The following MLIP variants were observed in gnomAD, a reference collection of about 807,000 sequenced individuals.
MLIP encodes muscular LMNA-interacting protein.
A neutral mutation model predicts 84.8 loss-of-function variants in MLIP; 79 were observed. That is an observed-to-expected ratio of 0.93 (90% CI 0.78 to 1.12). The LOEUF is 1.12. Among genes scored for constraint, MLIP ranks in the 50% most tolerant of loss-of-function variants. The pLI is 0.00. For missense variants in MLIP, 1,257 were observed against 1,160.6 expected (o/e 1.08, Z -1.21); for synonymous variants, 504 against 463.0 (o/e 1.09, Z -1.14).
intron 1 of MLIP, chr6:54,083,326 T>C: frequency 1.5e-6 from 1 of 665,416 alleles, no homozygotes; most frequent in Non-Finnish European, 2.3e-6. Flanking sequence ...AGAACACTGC[T>C]AAGGTCAAGA....
chr6:54,114,217 A>G (rs573684720), intron 1 of MLIP, among the ~76,000 whole-genome samples: 1 of 152,192 alleles, frequency 6.6e-6, no homozygotes, highest in Non-Finnish European at 1.5e-5. Flanking sequence ...TTGTGTTTAC[A>G]TCTTTATTGA....
intron 1 of MLIP, among the ~76,000 whole-genome samples, chr6:54,088,188 G>T (rs1767626021): frequency 6.6e-6 from 1 of 152,180 alleles, no homozygotes; most frequent in Admixed American, 6.6e-5. Flanking sequence ...GGAAAAGAGA[G>T]AAACTTATGC....
intron 1 of MLIP, among the ~76,000 whole-genome samples, chr6:54,102,955 CT>C (rs981163884): frequency 6.6e-6 from 1 of 152,088 alleles, no homozygotes; most frequent in Non-Finnish European, 1.5e-5. Context: ...GGGAAGCCCT[CT>C]TTAGGTAATG....
chr6:54,234,215 C>G (rs1190738244), intron 12 of MLIP, among the ~76,000 whole-genome samples: 1 of 152,060 alleles, frequency 6.6e-6, no homozygotes, highest in Non-Finnish European at 1.5e-5. Flanking sequence ...TTGACCCAAC[C>G]CTTTTTAGAT....
rs148592350 is a variant in MLIP at position 54,022,122 on chromosome 6, T to A, written c.63+3031T>A. On this transcript the variant is annotated intron_variant, in intron 1 of 12. Coordinates refer to the MLIP transcript ENST00000274897. ...TCATGTATTTTCTAAACTCTGTTCCTGGGAATTCTGATTTTCCAAAATGCT... is the reference window on the plus strand; with the variant it reads ...TCATGTATTTTCTAAACTCTGTTCCAGGGAATTCTGATTTTCCAAAATGCT... Among the ~76,000 whole-genome samples the A allele has an allele frequency of 7.8e-3, 1,187 of 152,346 alleles. 5 individuals are homozygous for A. Among genetic ancestry groups the A allele is most frequent in the Non-Finnish European group, 0.014 (961 of 68,030 alleles).
intron 13 of MLIP, among the ~76,000 whole-genome samples, chr6:54,258,077 G>C (rs988336134): frequency 6.6e-6 from 1 of 151,862 alleles, no homozygotes; most frequent in Non-Finnish European, 1.5e-5. Flanking sequence ...CATCCCCTCA[G>C]ATAAAGTGGA....
In MLIP at chr6:54,065,689, CTT is replaced by C. The variant is rs150803488; in HGVS notation, c.63+46599_63+46600del. Among the ~76,000 whole-genome samples, 481 of 99,754 alleles carry C rather than the reference CTT, an allele frequency of 4.8e-3. 54 individuals are homozygous for C. The highest frequency in any genetic ancestry group is 0.012 in the African/African-American group (452 of 39,148). The allele number at this position is 99,754 out of a possible 152,430, so 65.4% of individuals were successfully genotyped here. A position where few individuals can be genotyped will look rare whatever the true frequency, so the allele number is the denominator to read the frequency against. ...GGTGGATTTTGGTTCCCTCCACTCTCTTGTGTTTCCAGCTATTTTTCCCATGG... is the reference window on the plus strand; with the variant it reads ...GGTGGATTTTGGTTCCCTCCACTCTCGTGTTTCCAGCTATTTTTCCCATGG... On this transcript the variant is annotated intron_variant, in intron 1 of 12. Transcript: ENST00000274897.
chr6:54,169,288 G>A (rs764056660), intron 8 of MLIP, among the ~76,000 whole-genome samples: 8 of 151,630 alleles, frequency 5.3e-5, no homozygotes, highest in Non-Finnish European at 7.4e-5. Flanking sequence ...GAACTATTAT[G>A]ATCCATGAGT....
intron 1 of MLIP, among the ~76,000 whole-genome samples, chr6:54,100,579 GATTAT>G (rs1366430201): frequency 1.3e-5 from 2 of 152,008 alleles, no homozygotes; most frequent in African/African-American, 4.8e-5. Context: ...CTACTGAGGG[GATTAT>G]ATTATATTTG....
At chr6:54,070,887 A>G (rs1452194325) in intron 1 of MLIP, among the ~76,000 whole-genome samples, 1 of 152,204 alleles carries the variant, frequency 6.6e-6, no homozygotes, top group African/African-American at 2.4e-5. Context: ...TGTCACAGAT[A>G]GTGCCTAATT....
intron 12 of MLIP, among the ~76,000 whole-genome samples, chr6:54,251,441 C>CAGATATATATATATAT (rs756859263): frequency 1.7e-4 from 15 of 88,948 alleles, no homozygotes; most frequent in African/African-American, 9.2e-4. Context: ...TGAAACAAGC[C>CAGATATATATATATAT]ATATATATAT....
intron 1 of MLIP, among the ~76,000 whole-genome samples, chr6:54,025,095 C>G (rs909725880): frequency 6.6e-6 from 1 of 151,996 alleles, no homozygotes; most frequent in South Asian, 2.1e-4. Flanking sequence ...GCACTCTGCC[C>G]GCCTCGGCCT....
chr6:54,109,991 CTTTTTT>C (rs11444915), upstream of MLIP, among the ~76,000 whole-genome samples: 2 of 69,310 alleles, frequency 2.9e-5, no homozygotes, highest in African/African-American at 9.3e-5. Flanking sequence ...TTTTCTTTTT[CTTTTTT>C]TTTTTGACGG....
At chr6:54,111,147 C>T (rs1388657689), upstream of MLIP, among the ~76,000 whole-genome samples, 1 of 152,192 alleles carries the variant, frequency 6.6e-6, no homozygotes, top group African/African-American at 2.4e-5. Flanking sequence ...CTTTTCTCTT[C>T]TTTTCACAGA....
chr6:54,028,317 C>A (rs528005850), intron 1 of MLIP, among the ~76,000 whole-genome samples: 15 of 152,166 alleles, frequency 9.9e-5, no homozygotes, highest in East Asian at 7.7e-4. Context: ...GGCCTAGTAC[C>A]CTTATAGCTG....
In MLIP at chr6:54,202,194, TA is replaced by T; in HGVS notation, c.2682del (p.Lys894AsnfsTer15). On this transcript the variant is annotated frameshift_variant, in exon 11 of 14. Transcript: ENST00000502396. LOFTEE classifies it high-confidence loss of function. ...AAGTCTATGAACCCAACCCTTTCAG[TA>T]AATACTTGGAAGATAACAGCGACCT... Reference protein sequence around the residue: ...EEVYEPNPFSKYLEDNSDLFS... With the variant: ...EEVYEPNPFSXYLEDNSDLFS... 6.3e-7 allele frequency: 1 copy of T among 1,591,034 alleles called. No individual in the cohort carries two copies. The highest frequency in any genetic ancestry group is 8.6e-7 in the Non-Finnish European group (1 of 1,168,204).
chr6:54,039,470 T>C (rs1764624078), intron 1 of MLIP, among the ~76,000 whole-genome samples: 1 of 151,932 alleles, frequency 6.6e-6, no homozygotes, highest in Admixed American at 6.6e-5. Context: ...CCATGCATCT[T>C]TGGCATAGTG....
chr6:54,138,636 A>T (rs1772036712), intron 4 of MLIP, among the ~76,000 whole-genome samples: 1 of 152,152 alleles, frequency 6.6e-6, no homozygotes, highest in Admixed American at 6.6e-5. Context: ...CAGGACTATG[A>T]TATGTTTCTG....
intron 11 of MLIP, among the ~76,000 whole-genome samples, chr6:54,212,451 G>A (rs1779523650): frequency 6.6e-6 from 1 of 152,150 alleles, no homozygotes; most frequent in South Asian, 2.1e-4. Context: ...CATGTTTGGA[G>A]AGATGGAAAG....
Sources: allele counts gnomAD v4.1 joint callset (sites outside exome capture counted in the v4.1 genomes callset), GRCh38; gene constraint gnomAD v4.1.1; transcripts MANE v1.5; gene names NCBI Gene and HGNC (gene_info 2026-07-23, HGNC 2026-07-21).